NUP54: variants seen among roughly 807,000 people sequenced by gnomAD.
NUP54 encodes nucleoporin p54.
A neutral mutation model predicts 66.4 loss-of-function variants in NUP54; 27 were observed. That is an observed-to-expected ratio of 0.41 (90% CI 0.30 to 0.56). The LOEUF is 0.56. NUP54 is among the 20% of genes least tolerant of loss of function. The pLI is 0.34. For synonymous variants in NUP54, 206 were observed against 210.7 expected, an observed-to-expected ratio of 0.98 and a Z score of 0.19; for missense variants, 486 against 596.3, an observed-to-expected ratio of 0.82 and a Z score of 1.93.
At chr4:76,142,748 T>C (rs1578695194) in intron 3 of NUP54, among the ~76,000 whole-genome samples, 1 of 152,168 alleles carries the variant, frequency 6.6e-6, no homozygotes, top group African/African-American at 2.4e-5. Context: ...GGAGCCAACT[T>C]GAAAAGGCTT....
At chr4:76,146,444 A>G (rs1266832128) in intron 1 of NUP54, among the ~76,000 whole-genome samples, 2 of 152,250 alleles carry the variant, frequency 1.3e-5, no homozygotes, top group Non-Finnish European at 2.9e-5. Context: ...AATACATCTT[A>G]ATTAAAATGC....
chr4:76,134,164 T>C lies in NUP54; in HGVS notation c.710+11A>G. The stretch of plus-strand genomic sequence containing the variant: ...TACACAGAAATAAACAGTATATTTA[T>C]GTATACTTACTGATCATCTGGCAAT... On this transcript the variant is annotated intron_variant, in intron 5 of 11. Transcript: ENST00000264883. 1.3e-6 allele frequency: 2 copies of C among 1,570,304 alleles called. No individual in the cohort carries two copies. The highest frequency in any genetic ancestry group is 1.8e-6 in the Non-Finnish European group (2 of 1,142,482).
At chr4:76,135,346 T>C (rs899431669) in intron 4 of NUP54, among the ~76,000 whole-genome samples, 14 of 152,234 alleles carry the variant, frequency 9.2e-5, no homozygotes, top group Non-Finnish European at 1.9e-4. Context: ...AACTCAAGTG[T>C]ACATTATGCA....
intron 1 of NUP54, chr4:76,148,052 A>AAGCG: frequency 2.4e-6 from 1 of 422,476 alleles, no homozygotes; most frequent in Non-Finnish European, 4.2e-6. Flanking sequence ...CGGCAGCGGG[A>AAGCG]AGCGAACCGC....
chr4:76,120,293 C>G (rs1730173158), intron 9 of NUP54, among the ~76,000 whole-genome samples: 1 of 152,084 alleles, frequency 6.6e-6, no homozygotes, highest in South Asian at 2.1e-4. Context: ...TGCTAGATTG[C>G]TTTTTCAAAA....
chr4:76,145,087 G>C (rs551584506), intron 1 of NUP54, among the ~76,000 whole-genome samples: 54 of 152,092 alleles, frequency 3.6e-4, no homozygotes, highest in Non-Finnish European at 6.5e-4. Flanking sequence ...GGGAGGCCGA[G>C]GGGGGTGGAT....
rs72655522 is a variant in NUP54, at chr4:76,123,273, A to C, written c.1164+1376T>G. 4.4e-3 allele frequency among the ~76,000 whole-genome samples: 669 copies of C among 152,362 alleles called. 5 individuals carry two copies. The highest frequency in any genetic ancestry group is 7.7e-3 in the Non-Finnish European group (527 of 68,028). ...TGTATAAATTATTCCTCAATTGTCTAGAATAATCAAAATAACACTGGATTA... is the reference window on the plus strand; with the variant it reads ...TGTATAAATTATTCCTCAATTGTCTCGAATAATCAAAATAACACTGGATTA... On this transcript the variant is annotated intron_variant, in intron 9 of 11. Transcript: ENST00000264883.
chr4:76,126,986 T>C (rs1306873503), intron 8 of NUP54, among the ~76,000 whole-genome samples: 1 of 151,674 alleles, frequency 6.6e-6, no homozygotes, highest in Non-Finnish European at 1.5e-5. Flanking sequence ...GCCATAAGAC[T>C]AAAAAAATGT....
chr4:76,128,396 G>GAAAA (rs5859495), intron 8 of NUP54, among the ~76,000 whole-genome samples: 2 of 120,724 alleles, frequency 1.7e-5, no homozygotes, highest in African/African-American at 6.0e-5. Flanking sequence ...AGGAAATGCT[G>GAAAA]AAAAAAAAAA....
chr4:76,147,281 C>T (rs4241590), intron 1 of NUP54, among the ~76,000 whole-genome samples: 69,108 of 152,056 alleles, frequency 0.45, 17,050 homozygotes, highest in East Asian at 0.89. Flanking sequence ...TAAAGGAACA[C>T]TGTAACTTGC....
At chr4:76,131,376 C>A in intron 6 of NUP54, 92 bp from the exon 7 acceptor site, 1 of 677,432 alleles carries the variant, frequency 1.5e-6, no homozygotes, top group Non-Finnish European at 2.5e-6. Context: ...GACCCTATAC[C>A]TAGAAGCTAT....
At position 76,142,495 on chromosome 4, in the gene NUP54, T is replaced by C. The variant is rs542161657; in HGVS notation, c.295+1654A>G. On this transcript the variant is annotated intron_variant, in intron 3 of 11. Coordinates refer to ENST00000264883, the MANE Select transcript of NUP54 (RefSeq NM_017426.4). ...TGGAAAAGTGAAAAGAGCACTAGAA[T>C]GAGTAGTTGAATTTGCATCCCTGTA... is the stretch of plus-strand genomic sequence containing the variant. 1.1e-4 allele frequency among the ~76,000 whole-genome samples: 16 copies of C among 152,356 alleles called. No individual in the cohort carries two copies. The East Asian group carries it at 2.9e-3, about 28-fold the overall frequency.
chr4:76,124,244 C>T (rs1204753396), intron 9 of NUP54, among the ~76,000 whole-genome samples: 1 of 151,784 alleles, frequency 6.6e-6, no homozygotes, highest in Non-Finnish European at 1.5e-5. Context: ...CTTTTAATTC[C>T]TCCTGTTAAT....
chr4:76,120,744 C>G (rs1291102739), intron 9 of NUP54, among the ~76,000 whole-genome samples: 1 of 151,960 alleles, frequency 6.6e-6, no homozygotes, highest in Non-Finnish European at 1.5e-5. Flanking sequence ...CATTTTTTTT[C>G]TTTAATCTGC....
intron 3 of NUP54, among the ~76,000 whole-genome samples, chr4:76,140,111 C>G (rs1731202783): frequency 6.6e-6 from 1 of 151,888 alleles, no homozygotes; most frequent in Non-Finnish European, 1.5e-5. Flanking sequence ...AAGGTGAAGA[C>G]TGGGGAACGG....
rs1285904602 is a variant in NUP54 at position 76,114,776 on chromosome 4, A to G, written c.*590T>C. 1 of 152,202 alleles carries G rather than the reference A, an allele frequency of 6.6e-6. No homozygotes were observed. Among genetic ancestry groups the G allele is most frequent in the Non-Finnish European group, 1.5e-5 (1 of 68,016 alleles). The allele number at this position is 152,202 out of a possible 1,614,324, so 9.4% of individuals were successfully genotyped here. A position where few individuals can be genotyped will look rare whatever the true frequency, so the allele number is the denominator to read the frequency against. On this transcript the variant is annotated 3_prime_UTR_variant, in exon 12 of 12. Transcript: ENST00000264883. ...TGGTTAAGTAGTTTTGTTATATCCT[A>G]ATTGCTTAGGTGTGCTCTGTAAATT...
At chr4:76,123,489 A>C (rs1375572038) in intron 9 of NUP54, among the ~76,000 whole-genome samples, 1 of 152,120 alleles carries the variant, frequency 6.6e-6, no homozygotes, top group Non-Finnish European at 1.5e-5. Context: ...CTGTTACCCT[A>C]AAGTACATGC....
chr4:76,134,430 T>C, intron 4 of NUP54, 68 bp from the exon 5 acceptor site: 1 of 1,206,352 alleles, frequency 8.3e-7, no homozygotes, highest in Non-Finnish European at 1.2e-6. Flanking sequence ...TTAATATTAA[T>C]AGCTTAATAT....
At chr4:76,148,207 G>T in intron 1 of NUP54, 101 bp downstream of exon 1, 1 of 924,426 alleles carries the variant, frequency 1.1e-6, no homozygotes, top group Non-Finnish European at 1.5e-6. Context: ...CTCCGCGTCG[G>T]CGGGAGATTC....
Sources: gnomAD v4.1 joint callset for allele counts (sites outside exome capture counted in the v4.1 genomes callset) on GRCh38, gnomAD v4.1.1 for gene constraint, MANE v1.5 for transcripts, NCBI Gene and HGNC (gene_info 2026-07-23, HGNC 2026-07-21) for gene names.